Variants in EXD1 observed in about 807,000 individuals in gnomAD.
EXD1 encodes piRNA biogenesis protein EXD1.
EXD1 carries 63 observed loss-of-function variants against 49.1 expected under a neutral mutation model. The ratio of observed to expected loss-of-function variants is 1.28; its 90% CI spans 1.05 to 1.58. The LOEUF (loss-of-function observed/expected upper bound fraction) is 1.58. EXD1 is among the 40% of genes most tolerant of loss of function. The pLI is 0.00. For missense variants in EXD1, 748 were observed against 666.0 expected, an observed-to-expected ratio of 1.12 and a Z score of -1.36; for synonymous variants, 234 against 239.2, an observed-to-expected ratio of 0.98 and a Z score of 0.20.
Position 41,222,888 on chromosome 15 carries a change from A to T in EXD1, c.134-2990T>A, listed in dbSNP as rs1223628885. Among the ~76,000 whole-genome samples, 3 of 145,102 alleles carry T rather than the reference A, an allele frequency of 2.1e-5. No individual in the cohort carries two copies. The Admixed American group carries it at 2.1e-4, about 10-fold the overall frequency. On this transcript the variant is annotated intron_variant, in intron 2 of 11. Coordinates refer to ENST00000458580, the MANE Select transcript of EXD1 (RefSeq NM_001286441.2). The stretch of plus-strand genomic sequence containing the variant: ...GAGGCAGAGGTTCCAGTGAATCAAG[A>T]TTGAGCCACTGCACTCCAGCGTGAG...
intron 6 of EXD1, 85 bp downstream of exon 6, chr15:41,215,690 A>G: frequency 6.9e-7 from 1 of 1,441,758 alleles, no homozygotes; most frequent in Non-Finnish European, 9.7e-7. Context: ...CGTCTCAAAA[A>G]AAAAAAGAAA....
chr15:41,195,879 CA>C (rs2046603947), intron 8 of EXD1, 24 bp from the exon 9 acceptor site: 1 of 1,610,928 alleles, frequency 6.2e-7, no homozygotes, highest in African/African-American at 1.3e-5. Context: ...AGGAAACAGT[CA>C]TTAGAACCTG....
chr15:41,188,361 C>T (rs544967603), intron 11 of EXD1, among the ~76,000 whole-genome samples: 5 of 149,288 alleles, frequency 3.3e-5, no homozygotes, highest in African/African-American at 1.2e-4. Flanking sequence ...CTCCACTCTC[C>T]TCCCTTCCCC....
chr15:41,198,008 G>A (rs1266144104), intron 7 of EXD1, among the ~76,000 whole-genome samples: 1 of 152,012 alleles, frequency 6.6e-6, no homozygotes, highest in Non-Finnish European at 1.5e-5. Context: ...TGGAGGACAA[G>A]AGTGAGACTT....
chr15:41,189,675 TAAATA>T (rs567756169), intron 11 of EXD1, among the ~76,000 whole-genome samples: 11 of 150,952 alleles, frequency 7.3e-5, no homozygotes, highest in South Asian at 2.1e-4. Context: ...AAAAAATAAA[TAAATA>T]AAATAAAATA....
chr15:41,213,529 G>A (rs8034798), intron 6 of EXD1, among the ~76,000 whole-genome samples: 1 of 108,746 alleles, frequency 9.2e-6, no homozygotes, highest in Non-Finnish European at 1.7e-5. Flanking sequence ...TTGTTTTGTT[G>A]TTTTTTGAGA....
intron 6 of EXD1, among the ~76,000 whole-genome samples, chr15:41,214,060 G>A (rs889652235): frequency 3.9e-5 from 6 of 152,004 alleles, no homozygotes; most frequent in Non-Finnish European, 7.4e-5. Context: ...CCAGCTACTC[G>A]GGAGGCTGAG....
intron 7 of EXD1, among the ~76,000 whole-genome samples, chr15:41,207,038 C>T (rs1253158274): frequency 6.7e-5 from 9 of 133,544 alleles, no homozygotes; most frequent in African/African-American, 2.3e-4. Flanking sequence ...GTAAGGAGTT[C>T]GAGACCAGCC....
At chr15:41,204,788 A>G (rs958710056) in intron 7 of EXD1, among the ~76,000 whole-genome samples, 1 of 152,140 alleles carries the variant, frequency 6.6e-6, no homozygotes, top group Non-Finnish European at 1.5e-5. Flanking sequence ...ACACATACAC[A>G]CACATATAGA....
At position 41,199,397 on chromosome 15, in the gene EXD1, T is replaced by G. The variant is rs1188821183; in HGVS notation, c.535-3360A>C. Among the ~76,000 whole-genome samples, 5 of 150,616 alleles carry G rather than the reference T, an allele frequency of 3.3e-5. No homozygotes were observed. In the East Asian group the frequency reaches 5.8e-4, roughly 17 times the overall value. ...ACCACCATGTTGGGCCCCTTTTTTT[T>G]CTTGTATTAATTTTTAAGAGTCTTT... On this transcript the variant is annotated intron_variant, in intron 7 of 11. Transcript: ENST00000458580.
chr15:41,199,705 A>ATC (rs373122475), intron 7 of EXD1, among the ~76,000 whole-genome samples: 13,293 of 119,948 alleles, frequency 0.11, 1,189 homozygotes, highest in South Asian at 0.26. Context: ...TATTACATAT[A>ATC]TCATATATAT....
Position 41,190,144 on chromosome 15 carries a change from C to A in EXD1, c.865-16G>T. ...CTGGATTTTCCTGGAGACAATAAAACAATTTCCTCTGAACAGTAAGCAAGA... is the reference window on the plus strand; with the variant it reads ...CTGGATTTTCCTGGAGACAATAAAAAAATTTCCTCTGAACAGTAAGCAAGA... On this transcript the variant is annotated splice_polypyrimidine_tract_variant and intron_variant, in intron 10 of 11. Transcript: ENST00000458580. 6.2e-7 allele frequency: 1 copy of A among 1,613,548 alleles called. No homozygotes were observed. The highest frequency in any genetic ancestry group is 8.5e-7 in the Non-Finnish European group (1 of 1,179,592).
Position 41,219,817 on chromosome 15 carries a change from A to G in EXD1, c.202+13T>C. ...CTCAGTACTAGCATTTTCAAGGAAC[A>G]TGGGGGTCTCACCATTCACAATCTC... On this transcript the variant is annotated intron_variant, in intron 3 of 11. Coordinates refer to ENST00000458580, the MANE Select transcript of EXD1 (RefSeq NM_001286441.2). 1.1e-5 allele frequency: 17 copies of G among 1,533,224 alleles called. No homozygotes were observed. The highest frequency in any genetic ancestry group is 1.5e-5 in the Non-Finnish European group (17 of 1,144,496). 95.0% of individuals were successfully genotyped at this position (1,533,224 alleles called of 1,614,324 possible).
chr15:41,204,783 T>TACACACAC (rs1400054198), intron 7 of EXD1, among the ~76,000 whole-genome samples: 2 of 152,006 alleles, frequency 1.3e-5, no homozygotes, highest in Non-Finnish European at 2.9e-5. Flanking sequence ...CATATACACA[T>TACACACAC]ACACACACAT....
At chr15:41,199,727 T>TATCTCATATAC (rs2046682960) in intron 7 of EXD1, among the ~76,000 whole-genome samples, 1 of 52,296 alleles carries the variant, frequency 1.9e-5, no homozygotes, top group South Asian at 6.5e-4. Context: ...ATATATTATA[T>TATCTCATATAC]ATGATATATA....
intron 3 of EXD1, among the ~76,000 whole-genome samples, chr15:41,218,486 C>CAAAAAAA (rs35305069): frequency 6.3e-5 from 5 of 79,022 alleles, no homozygotes; most frequent in African/African-American, 2.1e-4. Flanking sequence ...GAATCCGTCT[C>CAAAAAAA]AAAAAAAAAA....
intron 2 of EXD1, among the ~76,000 whole-genome samples, chr15:41,225,976 G>A (rs978340168): frequency 3.9e-5 from 6 of 152,068 alleles, no homozygotes; most frequent in Non-Finnish European, 8.8e-5. Flanking sequence ...CACCAGGCTC[G>A]GCATGGTGGC....
Position 41,230,566 on chromosome 15 carries a change from T to C in EXD1, c.-141A>G, listed in dbSNP as rs2047226276. The C allele has an allele frequency of 5.0e-6, 8 of 1,613,768 alleles. No individual in the cohort carries two copies. The highest frequency in any genetic ancestry group is 4.5e-5 in the East Asian group (2 of 44,864). On this transcript the variant is annotated 5_prime_UTR_variant, in exon 1 of 12. Coordinates refer to ENST00000458580, the MANE Select transcript of EXD1 (RefSeq NM_001286441.2). ...AATCTGGATCCTAATTTCAGCCAAGTGGTGCGTTCCTCGAACTTCAGTCTA... is the reference window on the plus strand; with the variant it reads ...AATCTGGATCCTAATTTCAGCCAAGCGGTGCGTTCCTCGAACTTCAGTCTA...
At chr15:41,194,885 G>A (rs1442166811) in intron 9 of EXD1, among the ~76,000 whole-genome samples, 1 of 152,122 alleles carries the variant, frequency 6.6e-6, no homozygotes, top group Non-Finnish European at 1.5e-5. Context: ...TACATAAACA[G>A]AAAAAGTGAA....
Sources: allele counts gnomAD v4.1 joint callset (sites outside exome capture counted in the v4.1 genomes callset), GRCh38; gene constraint gnomAD v4.1.1; transcripts MANE v1.5; gene names NCBI Gene and HGNC (gene_info 2026-07-23, HGNC 2026-07-21).